Variants in SYPL1 observed in about 807,000 individuals in gnomAD.
SYPL1 encodes synaptophysin like 1, also known as synaptophysin-like protein 1.
SYPL1 carries 6 observed loss-of-function variants against 23.7 expected under a neutral mutation model. The ratio of observed to expected loss-of-function variants is 0.25; its 90% CI spans 0.14 to 0.50. SYPL1 has a LOEUF of 0.50. SYPL1 is among the 20% of genes least tolerant of loss of function. The pLI is 0.98. For missense variants in SYPL1, 253 were observed against 288.9 expected, an observed-to-expected ratio of 0.88 and a Z score of 0.90; for synonymous variants, 102 against 104.5, an observed-to-expected ratio of 0.98 and a Z score of 0.15.
At chr7:106,112,562 C>T, upstream of SYPL1, 1 of 1,491,366 alleles carries the variant, frequency 6.7e-7, no homozygotes, top group Non-Finnish European at 8.9e-7. Flanking sequence ...CCCTGCGGTT[C>T]AGCCCCTGGC....
chr7:106,106,076 C>T (rs971494279), intron 1 of SYPL1, among the ~76,000 whole-genome samples: 21 of 152,014 alleles, frequency 1.4e-4, no homozygotes, highest in African/African-American at 4.8e-4. Flanking sequence ...GACGGTGGCA[C>T]AACAATAAAA....
chr7:106,107,224 C>A (rs1840648524), intron 1 of SYPL1, among the ~76,000 whole-genome samples: 1 of 152,050 alleles, frequency 6.6e-6, no homozygotes, highest in Non-Finnish European at 1.5e-5. Context: ...AGATTAGATG[C>A]CTAGAGCCAA....
rs1032256704 is a variant in SYPL1, at chr7:106,095,808, T to C, written c.402+1882A>G. ...GATTATCTCTTTATATGACCACTAATTGGTCATTCTGAGGTGGAAAATTAC... is the reference window on the plus strand; with the variant it reads ...GATTATCTCTTTATATGACCACTAACTGGTCATTCTGAGGTGGAAAATTAC... On this transcript the variant is annotated intron_variant, in intron 3 of 4. Coordinates refer to ENST00000455385, the MANE Select transcript of SYPL1 (RefSeq NM_182715.4). This position sits in a 1 kb window ranked among gnomAD's most constrained non-coding sequence, Gnocchi z 4.3. Among the ~76,000 whole-genome samples the C allele has an allele frequency of 6.6e-6, 1 of 152,208 alleles. No individual in the cohort carries two copies. The highest frequency in any genetic ancestry group is 6.5e-5 in the Admixed American group (1 of 15,284).
At chr7:106,093,945 T>C (rs1839890121) in intron 3 of SYPL1, among the ~76,000 whole-genome samples, 1 of 152,254 alleles carries the variant, frequency 6.6e-6, no homozygotes, top group South Asian at 2.1e-4. Flanking sequence ...GTTTTAATAT[T>C]TTAGAATAAA....
At chr7:106,101,531 CAT>C (rs1038047399) in intron 1 of SYPL1, among the ~76,000 whole-genome samples, 2 of 137,754 alleles carry the variant, frequency 1.5e-5, no homozygotes, top group Admixed American at 7.7e-5. Context: ...ATGTCCAGCA[CAT>C]AGTTTGGGGT....
intron 4 of SYPL1, among the ~76,000 whole-genome samples, chr7:106,092,370 C>G (rs1839774838): frequency 6.6e-6 from 1 of 152,128 alleles, no homozygotes; most frequent in Admixed American, 6.6e-5. Flanking sequence ...ATGAGTTAAC[C>G]TCAAAGAAAT....
At chr7:106,103,741 G>A (rs1466040040) in intron 1 of SYPL1, among the ~76,000 whole-genome samples, 1 of 152,086 alleles carries the variant, frequency 6.6e-6, no homozygotes, top group Non-Finnish European at 1.5e-5. Context: ...GTGGTTAATA[G>A]AACACTGAAA....
Position 106,093,023 on chromosome 7 carries a change from G to GA in SYPL1, c.516dup (p.Pro173SerfsTer4). 1 of 1,613,884 alleles carries GA rather than the reference G, an allele frequency of 6.2e-7. No individual in the cohort carries two copies. Among genetic ancestry groups the GA allele is most frequent in the Non-Finnish European group, 8.5e-7 (1 of 1,179,892 alleles). ...AGTACTGCTTTCTTCTTACAAGGCG[G>GA]AAGTTCATCAATAATATTGTGACCA... is the stretch of plus-strand genomic sequence containing the variant. On this transcript the variant is annotated frameshift_variant, in exon 4 of 5. Transcript: ENST00000455385. LOFTEE classifies it high-confidence loss of function.
rs1339087919 is a variant in SYPL1 at position 106,109,987 on chromosome 7, A to G, written c.69+2153T>C. On this transcript the variant is annotated intron_variant, in intron 1 of 4. Transcript: ENST00000455385. This position sits in a 1 kb window ranked among gnomAD's most constrained non-coding sequence, Gnocchi z 4.3. ...GGAGAAATCGATTGATTGAGGAATTATGAGTGCCTAAAATTAGTCGTATCA... is the reference window on the plus strand; with the variant it reads ...GGAGAAATCGATTGATTGAGGAATTGTGAGTGCCTAAAATTAGTCGTATCA... Among the ~76,000 whole-genome samples the G allele has an allele frequency of 6.6e-6, 1 of 152,180 alleles. No homozygotes were observed. Among genetic ancestry groups the G allele is most frequent in the Non-Finnish European group, 1.5e-5 (1 of 68,030 alleles).
At chr7:106,102,794 T>C (rs567846576) in intron 1 of SYPL1, among the ~76,000 whole-genome samples, 2 of 152,246 alleles carry the variant, frequency 1.3e-5, no homozygotes, top group Non-Finnish European at 2.9e-5. Context: ...TATACAGCAA[T>C]AGATAACTAA....
Position 106,095,878 on chromosome 7 carries a change from T to A in SYPL1, c.402+1812A>T, listed in dbSNP as rs991953448. Among the ~76,000 whole-genome samples, 1 of 152,190 alleles carries A rather than the reference T, an allele frequency of 6.6e-6. No homozygotes were observed. Among genetic ancestry groups the A allele is most frequent in the Non-Finnish European group, 1.5e-5 (1 of 68,032 alleles). ...TGCAACTAGGTCAGTTTTATAGTTTTATCAGACAAAAACCACCTACAAAAA... is the reference window on the plus strand; with the variant it reads ...TGCAACTAGGTCAGTTTTATAGTTTAATCAGACAAAAACCACCTACAAAAA... On this transcript the variant is annotated intron_variant, in intron 3 of 4. Transcript: ENST00000455385. The surrounding 1 kb of genome is among the most constrained non-coding windows in gnomAD (Gnocchi z 4.3).
Position 106,097,739 on chromosome 7 carries a change from T to TA in SYPL1, c.352dup (p.Tyr118LeufsTer11). ...CAGATACAGACTCGTGTAGCCAACA[T>TA]AAAGCAGAAGGGCAGCAATGCAGTA... On this transcript the variant is annotated frameshift_variant, in exon 3 of 5. Coordinates refer to ENST00000455385, the MANE Select transcript of SYPL1 (RefSeq NM_182715.4). LOFTEE classifies it high-confidence loss of function. This position sits in a 1 kb window ranked among gnomAD's most constrained non-coding sequence, Gnocchi z 4.6. 1 of 1,613,924 alleles carries TA rather than the reference T, an allele frequency of 6.2e-7. No individual in the cohort carries two copies. Among genetic ancestry groups the TA allele is most frequent in the South Asian group, 1.1e-5 (1 of 91,074 alleles).
In SYPL1 at chr7:106,112,308, G is replaced by A. The variant is rs1296842359; in HGVS notation, c.-100C>T. 5 of 1,341,812 alleles carry A rather than the reference G, an allele frequency of 3.7e-6. No individual in the cohort carries two copies. Among genetic ancestry groups the A allele is most frequent in the Non-Finnish European group, 3.9e-6 (4 of 1,036,718 alleles). The allele number at this position is 1,341,812 out of a possible 1,614,324, so 83.1% of individuals were successfully genotyped here. On this transcript the variant is annotated 5_prime_UTR_variant, in exon 1 of 5. Coordinates refer to ENST00000455385, the MANE Select transcript of SYPL1 (RefSeq NM_182715.4). ...GTGGCGAGGAAGGGCAGGCGGGGCT[G>A]GCGCGCTGGCCGGGCTCGGAGGCGG...
At chr7:106,108,510 GGT>G (rs1481972824) in intron 1 of SYPL1, among the ~76,000 whole-genome samples, 2 of 151,900 alleles carry the variant, frequency 1.3e-5, no homozygotes, top group South Asian at 4.1e-4. Context: ...TGAGTCCCCT[GGT>G]CCACAAACAC....
At position 106,106,245 on chromosome 7, in the gene SYPL1, G is replaced by A. The variant is rs368881421; in HGVS notation, c.69+5895C>T. Among the ~76,000 whole-genome samples the A allele has an allele frequency of 9.9e-4, 150 of 152,146 alleles. 1 individual carries two copies. The highest frequency in any genetic ancestry group is 3.4e-3 in the Middle Eastern group (1 of 294). ...TGTCCATAAAATTTTGCACTAATAG[G>A]AGTGCAAAAAAGACTCTGGAGGCTG... On this transcript the variant is annotated intron_variant, in intron 1 of 4. Coordinates refer to ENST00000455385, the MANE Select transcript of SYPL1 (RefSeq NM_182715.4).
At chr7:106,107,886 A>G (rs1177925980) in intron 1 of SYPL1, among the ~76,000 whole-genome samples, 1 of 152,024 alleles carries the variant, frequency 6.6e-6, no homozygotes, top group African/African-American at 2.4e-5. Flanking sequence ...GAGGAACCTA[A>G]ATATATTTAT....
intron 3 of SYPL1, among the ~76,000 whole-genome samples, chr7:106,094,797 T>C (rs980541113): frequency 2.6e-5 from 4 of 151,940 alleles, no homozygotes; most frequent in Non-Finnish European, 1.5e-5. Context: ...TTTTCGTAGT[T>C]ATACTCTTAA....
intron 1 of SYPL1, among the ~76,000 whole-genome samples, chr7:106,108,794 C>T (rs1789994340): frequency 6.6e-6 from 1 of 152,138 alleles, no homozygotes; most frequent in South Asian, 2.1e-4. Context: ...GTGGTGTTTA[C>T]CTCATCAATT....
chr7:106,106,942 A>AT (rs1268625284), intron 1 of SYPL1, among the ~76,000 whole-genome samples: 1 of 152,224 alleles, frequency 6.6e-6, no homozygotes, highest in Non-Finnish European at 1.5e-5. Context: ...GAATACTAGT[A>AT]TTCACCTGGT....
Sources: gnomAD v4.1 joint callset for allele counts (sites outside exome capture counted in the v4.1 genomes callset) on GRCh38, gnomAD v4.1.1 for gene constraint, Gnocchi (gnomAD v3.1) non-coding constraint, MANE v1.5 for transcripts, NCBI Gene and HGNC (gene_info 2026-07-23, HGNC 2026-07-21) for gene names.